The following LARP7 variants were observed in gnomAD, a reference collection of about 807,000 sequenced individuals.
The protein encoded by LARP7 is la-related protein 7.
LARP7 carries 52 observed loss-of-function variants against 69.3 expected under a neutral mutation model. The ratio of observed to expected loss-of-function variants is 0.75; its 90% CI spans 0.60 to 0.95. The LOEUF is 0.95. Ranked by LOEUF, LARP7 falls within the 40% of genes least tolerant of loss-of-function variation. LARP7 has a pLI of 0.00. For synonymous variants in LARP7, 254 were observed against 215.9 expected (o/e 1.18, Z -1.55); for missense variants, 733 against 673.0 (o/e 1.09, Z -0.99).
chr4:112,644,876 G>GT lies in LARP7; in HGVS notation c.202+8dup. On this transcript the variant is annotated splice_donor_region_variant and intron_variant, in intron 2 of 12. Coordinates refer to ENST00000344442, the MANE Select transcript of LARP7 (RefSeq NM_016648.4). Reference sequence around the variant, plus strand: ...TAGAAAAATCTAGAGATGGATGTAAGTTTGCTTCAGTAAAGGAACCAATTT... The same window carrying GT: ...TAGAAAAATCTAGAGATGGATGTAAGTTTTGCTTCAGTAAAGGAACCAATTT... 6.6e-7 allele frequency: 1 copy of GT among 1,515,778 alleles called. No homozygotes were observed. Among genetic ancestry groups the GT allele is most frequent in the Non-Finnish European group, 8.9e-7 (1 of 1,124,030 alleles). The allele number at this position is 1,515,778 out of a possible 1,614,324, so 93.9% of individuals were successfully genotyped here.
At chr4:112,641,341 T>G (rs1222121460) in intron 1 of LARP7, among the ~76,000 whole-genome samples, 1 of 151,156 alleles carries the variant, frequency 6.6e-6, no homozygotes, top group South Asian at 2.1e-4. Flanking sequence ...TGAGCCGAGA[T>G]CGCGCCACTG....
intron 9 of LARP7, chr4:112,650,090 T>C: frequency 5.5e-6 from 1 of 181,444 alleles, no homozygotes; most frequent in South Asian, 1.4e-4. Flanking sequence ...TTCTCATTTC[T>C]TGTAAAAATA....
At chr4:112,648,415 C>A in intron 8 of LARP7, 1 of 534,574 alleles carries the variant, frequency 1.9e-6, no homozygotes, top group Non-Finnish European at 3.8e-6. Context: ...CAGGTACCCC[C>A]ATGTTAAAGC....
intron 2 of LARP7, among the ~76,000 whole-genome samples, chr4:112,645,295 G>A (rs536928196): frequency 1.7e-4 from 26 of 152,084 alleles, no homozygotes; most frequent in South Asian, 6.2e-4. Context: ...AGTGTGTTCC[G>A]TGTAATCTGT....
intron 1 of LARP7, among the ~76,000 whole-genome samples, chr4:112,639,542 T>C (rs545806283): frequency 5.3e-5 from 8 of 152,066 alleles, no homozygotes; most frequent in Non-Finnish European, 8.8e-5. Flanking sequence ...GTGTTACTTT[T>C]TTTTTTTAAA....
chr4:112,648,493 T>A (rs1198873534), intron 8 of LARP7: 1 of 534,172 alleles, frequency 1.9e-6, no homozygotes, highest in African/African-American at 1.9e-5. Context: ...TCACTCCTAC[T>A]AAAACATGGA....
At chr4:112,643,138 TG>T (rs1421475851) in intron 1 of LARP7, among the ~76,000 whole-genome samples, 1 of 152,264 alleles carries the variant, frequency 6.6e-6, no homozygotes, top group Non-Finnish European at 1.5e-5. Context: ...CTGATTTCAT[TG>T]ATCTTACCAT....
intron 5 of LARP7, 32 bp from the exon 6 acceptor site, chr4:112,647,002 T>C: frequency 6.3e-7 from 1 of 1,580,666 alleles, no homozygotes; most frequent in Non-Finnish European, 8.5e-7. Context: ...AGAAAACAAG[T>C]ATTAAAATAG....
In LARP7 at chr4:112,638,537, G is replaced by C. The variant is rs929481033; in HGVS notation, c.-3+1298G>C. 6.6e-5 allele frequency among the ~76,000 whole-genome samples: 10 copies of C among 152,112 alleles called. No homozygotes were observed. In the South Asian group the frequency reaches 8.3e-4, roughly 13 times the overall value. On this transcript the variant is annotated intron_variant, in intron 1 of 12. Coordinates refer to ENST00000344442, the MANE Select transcript of LARP7 (RefSeq NM_016648.4). Reference sequence around the variant, plus strand: ...AGTATTTATTAATATTCATTTCAACGTTCCTGATTGCCTGTGTACCTGCTT... The same window carrying C: ...AGTATTTATTAATATTCATTTCAACCTTCCTGATTGCCTGTGTACCTGCTT...
intron 8 of LARP7, 79 bp from the exon 9 acceptor site, chr4:112,649,456 T>G: frequency 1.7e-6 from 2 of 1,201,926 alleles, no homozygotes; most frequent in Non-Finnish European, 2.3e-6. Context: ...TCCAAGTCAT[T>G]GTGAATGTAT....
At chr4:112,650,195 G>C (rs1679152873) in intron 9 of LARP7, 1 of 281,504 alleles carries the variant, frequency 3.6e-6, no homozygotes. Context: ...CCTTTGTTCA[G>C]GGAGAAGGGG....
chr4:112,646,893 G>C lies in LARP7; in HGVS notation c.490G>C (p.Asp164His). The C allele has an allele frequency of 1.2e-6, 2 of 1,610,032 alleles. No individual in the cohort carries two copies. Among genetic ancestry groups the C allele is most frequent in the Non-Finnish European group, 1.7e-6 (2 of 1,179,362 alleles). The change falls in exon 5 of 13, where the codon GAT (aspartate) becomes CAT (histidine). Residue 164 changes from aspartate (D) to histidine (H), a missense_variant. By Grantham distance (81) the Asp-to-His change is moderately conservative. Coordinates refer to ENST00000344442, the MANE Select transcript of LARP7 (RefSeq NM_016648.4). ...ISIPHYKSTG[D>H]PKGFAFVEFE... ...TATACCACATTATAAGTCTACTGGA[G>C]ATCCAAAGGGATTTGCGTTTGTGGA...
chr4:112,653,861 G>A (rs536163675), intron 11 of LARP7, among the ~76,000 whole-genome samples: 2 of 152,156 alleles, frequency 1.3e-5, no homozygotes, highest in South Asian at 2.1e-4. Context: ...CTCCCTCCTC[G>A]CCCTCCCAAA....
Position 112,646,005 on chromosome 4 carries a change from G to GTT in LARP7, c.203-344_203-343dup, listed in dbSNP as rs5861107. Among the ~76,000 whole-genome samples the GTT allele has an allele frequency of 0.27, 41,040 of 150,724 alleles. 7,614 individuals carry two copies. The highest frequency in any genetic ancestry group is 0.57 in the East Asian group (2,916 of 5,120). ...TTAGACCCTCATACAGTTTTTTTTT[G>GTT]TTTGTTTTGTTTGAGTCTCTTTCTC... On this transcript the variant is annotated intron_variant, in intron 2 of 12. Transcript: ENST00000344442.
intron 1 of LARP7, 92 bp downstream of exon 1, chr4:112,637,331 C>T (rs2047699487): frequency 1.3e-5 from 2 of 152,456 alleles, no homozygotes; most frequent in Admixed American, 1.3e-4. Context: ...TATCATCTAT[C>T]GTCCTTCTTA....
intron 1 of LARP7, among the ~76,000 whole-genome samples, chr4:112,643,061 A>G (rs2048023269): frequency 6.6e-6 from 1 of 152,268 alleles, no homozygotes; most frequent in South Asian, 2.1e-4. Flanking sequence ...GGCACAATTT[A>G]TTCAACACAT....
chr4:112,650,521 T>A lies in LARP7; in HGVS notation c.1355T>A (p.Val452Glu). ...EKVNATGPQF[V>E]SGVIVKIIST... is the part of the protein sequence containing the mutation. ...GTTAATGCAACAGGACCACAGTTCG[T>A]GAGTGGAGTGATTGTGAAGATCATT... The change falls in exon 10 of 13, where the codon GTG becomes GAG. Residue 452 changes from valine to glutamate, a missense_variant. Coordinates refer to ENST00000344442, the MANE Select transcript of LARP7 (RefSeq NM_016648.4). The A allele has an allele frequency of 6.2e-7, 1 of 1,613,656 alleles. No homozygotes were observed. The highest frequency in any genetic ancestry group is 1.1e-5 in the South Asian group (1 of 91,058).
chr4:112,645,095 C>T (rs567118019), intron 2 of LARP7, among the ~76,000 whole-genome samples: 9 of 151,856 alleles, frequency 5.9e-5, no homozygotes, highest in Admixed American at 4.6e-4. Flanking sequence ...TACAGGCAAG[C>T]ACCACCATGC....
chr4:112,639,438 G>A (rs890346981), intron 1 of LARP7, among the ~76,000 whole-genome samples: 7 of 151,792 alleles, frequency 4.6e-5, no homozygotes, highest in Non-Finnish European at 8.8e-5. Flanking sequence ...CACCTTGTTA[G>A]CCAGGATGGT....
Sources: allele counts gnomAD v4.1 joint callset (sites outside exome capture counted in the v4.1 genomes callset), GRCh38; gene constraint gnomAD v4.1.1; transcripts MANE v1.5; gene names NCBI Gene and HGNC (gene_info 2026-07-23, HGNC 2026-07-21).